PLAG1: variants seen among roughly 807,000 people sequenced by gnomAD.
PLAG1 encodes PLAG1 zinc finger, also known as zinc finger protein PLAG1.
In PLAG1, 7 loss-of-function variants were observed where a neutral mutation model predicts 35.5. The ratio of observed to expected loss-of-function variants is 0.20; its 90% CI spans 0.11 to 0.37. The LOEUF (loss-of-function observed/expected upper bound fraction) is 0.37, where lower values mean the gene tolerates loss of function less well. PLAG1 is among the 10% of genes least tolerant of loss of function. The pLI is 1.00. For synonymous variants in PLAG1, 229 were observed against 225.4 expected, an observed-to-expected ratio of 1.02 and a Z score of -0.14; for missense variants, 454 against 602.8, an observed-to-expected ratio of 0.75 and a Z score of 2.58.
At position 56,168,180 on chromosome 8, in the gene PLAG1, T is replaced by C; in HGVS notation, c.90A>G (p.Pro30=). 1.2e-6 allele frequency: 2 copies of C among 1,613,926 alleles called. No homozygotes were observed. The highest frequency in any genetic ancestry group is 1.7e-6 in the Non-Finnish European group (2 of 1,179,870). ...ACAGTTGGCAAGGAAAGTTTTTTCTTGGTTTGGTTTCACCACGCTTACGTT... is the reference window on the plus strand; with the variant it reads ...ACAGTTGGCAAGGAAAGTTTTTTCTCGGTTTGGTTTCACCACGCTTACGTT... ...SGKRKRGETK[P]RKNFPCQLCD... is the part of the protein sequence containing the mutation. The change falls in exon 4 of 5, where the codon CCA becomes CCG. Residue 30 remains proline, a synonymous_variant. Transcript: ENST00000316981.
chr8:56,189,345 A>G (rs1223927147), intron 1 of PLAG1, among the ~76,000 whole-genome samples: 1 of 152,210 alleles, frequency 6.6e-6, no homozygotes, highest in Non-Finnish European at 1.5e-5. Flanking sequence ...CCCTCTACAG[A>G]TATCAGGACG....
Position 56,167,880 on chromosome 8 carries a change from C to T in PLAG1, c.242+148G>A, listed in dbSNP as rs1811406791. ...ACATAAAAGTATGTGATTTAGAATACTAAAAACTAAACCAATGTCTAATCT... is the reference window on the plus strand; with the variant it reads ...ACATAAAAGTATGTGATTTAGAATATTAAAAACTAAACCAATGTCTAATCT... On this transcript the variant is annotated intron_variant, in intron 4 of 4. Coordinates refer to ENST00000316981, the MANE Select transcript of PLAG1 (RefSeq NM_002655.3). This position sits in a 1 kb window ranked among gnomAD's most constrained non-coding sequence, Gnocchi z 5.9. The T allele has an allele frequency of 1.8e-6, 1 of 552,106 alleles. No individual in the cohort carries two copies. The highest frequency in any genetic ancestry group is 2.9e-5 in the East Asian group (1 of 34,848). The allele number at this position is 552,106 out of a possible 1,614,324, so 34.2% of individuals were successfully genotyped here. A position where few individuals can be genotyped will look rare whatever the true frequency, so the allele number is the denominator to read the frequency against.
Position 56,171,157 on chromosome 8 carries a change from G to C in PLAG1, c.-184C>G, listed in dbSNP as rs1423902400. On this transcript the variant is annotated 5_prime_UTR_variant, in exon 3 of 5. Transcript: ENST00000316981. ...AGTCCCATTGACTCTTCGTGGAAGA[G>C]AGTGGAATCCAATCCTTCCCATTTT... is the stretch of plus-strand genomic sequence containing the variant. The C allele has an allele frequency of 2.9e-5, 28 of 981,122 alleles. No individual in the cohort carries two copies. Among genetic ancestry groups the C allele is most frequent in the African/African-American group, 3.5e-5 (2 of 57,112 alleles). The allele number at this position is 981,122 out of a possible 1,614,324, so 60.8% of individuals were successfully genotyped here. A position where few individuals can be genotyped will look rare whatever the true frequency, so the allele number is the denominator to read the frequency against.
intron 1 of PLAG1, among the ~76,000 whole-genome samples, chr8:56,210,785 A>AG (rs1171019018): frequency 1.3e-5 from 2 of 150,804 alleles, no homozygotes; most frequent in Non-Finnish European, 2.9e-5. Flanking sequence ...GAGGAGGAGG[A>AG]GGAGGAGGAA....
Position 56,168,194 on chromosome 8 carries a change from C to A in PLAG1, c.76G>T (p.Gly26Cys). The change falls in exon 4 of 5, where the codon GGT becomes TGT. Residue 26 changes from glycine (G) to cysteine (C), a missense_variant. This residue lies in a region of PLAG1 where 170 missense variants were observed against 226.3 expected (regional missense o/e 0.75). Coordinates refer to ENST00000316981, the MANE Select transcript of PLAG1 (RefSeq NM_002655.3). ...AAGTTTTTTCTTGGTTTGGTTTCAC[C>A]ACGCTTACGTTTCCCTGAAGGGACT... Reference protein sequence around the residue: ...QKVPSGKRKRGETKPRKNFPC... With the variant: ...QKVPSGKRKRCETKPRKNFPC... 1 of 1,613,852 alleles carries A rather than the reference C, an allele frequency of 6.2e-7. No homozygotes were observed. The highest frequency in any genetic ancestry group is 8.5e-7 in the Non-Finnish European group (1 of 1,179,868).
chr8:56,197,915 T>C (rs1812432494), intron 1 of PLAG1, among the ~76,000 whole-genome samples: 1 of 152,110 alleles, frequency 6.6e-6, no homozygotes, highest in Admixed American at 6.5e-5. Flanking sequence ...AGAGACAAAC[T>C]TAACCACCTT....
chr8:56,193,575 A>G (rs1812251681), intron 1 of PLAG1, among the ~76,000 whole-genome samples: 1 of 152,236 alleles, frequency 6.6e-6, no homozygotes, highest in Non-Finnish European at 1.5e-5. Context: ...CAAAGGCCAC[A>G]GACCAATCAA....
At chr8:56,194,243 G>A (rs1306815037) in intron 1 of PLAG1, among the ~76,000 whole-genome samples, 1 of 151,128 alleles carries the variant, frequency 6.6e-6, no homozygotes, top group Non-Finnish European at 1.5e-5. Context: ...CTTGAACCCA[G>A]GATGCGGAGG....
intron 2 of PLAG1, among the ~76,000 whole-genome samples, chr8:56,177,503 C>T (rs1159679513): frequency 2.0e-5 from 3 of 152,126 alleles, no homozygotes; most frequent in East Asian, 1.9e-4. Flanking sequence ...TCAAGAATGA[C>T]CTTGAAAACC....
At chr8:56,177,847 T>C (rs932520212) in intron 2 of PLAG1, 7 of 152,518 alleles carry the variant, frequency 4.6e-5, no homozygotes, top group South Asian at 2.1e-4. Flanking sequence ...GGCAGAGAGG[T>C]AGGAACTTAG....
chr8:56,184,966 C>T (rs1029039482), intron 1 of PLAG1, among the ~76,000 whole-genome samples: 2 of 151,990 alleles, frequency 1.3e-5, no homozygotes, highest in African/African-American at 4.8e-5. Flanking sequence ...AAAACAAAAA[C>T]CCCAAAACAA....
chr8:56,188,833 G>A (rs959845231), intron 1 of PLAG1, among the ~76,000 whole-genome samples: 8 of 152,224 alleles, frequency 5.3e-5, no homozygotes, highest in African/African-American at 1.9e-4. Context: ...ATTAGTCACT[G>A]TGATTCGCTG....
intron 1 of PLAG1, among the ~76,000 whole-genome samples, chr8:56,204,297 T>G (rs1219174446): frequency 6.6e-6 from 1 of 151,898 alleles, no homozygotes; most frequent in Non-Finnish European, 1.5e-5. Flanking sequence ...TCTATGTAAC[T>G]CCAGCATTAA....
At position 56,166,800 on chromosome 8, in the gene PLAG1, T is replaced by A. The variant is rs757118414; in HGVS notation, c.946A>T (p.Thr316Ser). ...ACAGTGTCCATATCTATTGGGCATG[T>A]CATTCCCAAAGGTAAAGTTGTGATC... ...QMITTLPLGM[T>S]CPIDMDTVHP... The change falls in exon 5 of 5, where the codon ACA becomes TCA. Residue 316 changes from threonine to serine, a missense_variant. Thr to Ser is a moderately conservative substitution (Grantham distance 58). Coordinates refer to ENST00000316981, the MANE Select transcript of PLAG1 (RefSeq NM_002655.3). 2 of 1,613,428 alleles carry A rather than the reference T, an allele frequency of 1.2e-6. No individual in the cohort carries two copies. The highest frequency in any genetic ancestry group is 1.7e-6 in the Non-Finnish European group (2 of 1,179,450).
chr8:56,199,868 T>G (rs1301388726), intron 1 of PLAG1, among the ~76,000 whole-genome samples: 1 of 152,144 alleles, frequency 6.6e-6, no homozygotes, highest in Non-Finnish European at 1.5e-5. Flanking sequence ...ACATTAGATG[T>G]TGAGAATCAC....
chr8:56,188,538 A>T (rs1331792492), intron 1 of PLAG1, among the ~76,000 whole-genome samples: 2 of 152,246 alleles, frequency 1.3e-5, no homozygotes, highest in African/African-American at 4.8e-5. Flanking sequence ...TTTAGCACAG[A>T]CACAGTGTAT....
At chr8:56,190,899 T>C (rs1164258780) in intron 1 of PLAG1, among the ~76,000 whole-genome samples, 2 of 152,094 alleles carry the variant, frequency 1.3e-5, no homozygotes, top group African/African-American at 4.8e-5. Context: ...TGAGTAGGTA[T>C]TGGTCCAGTG....
At chr8:56,179,551 G>T in intron 1 of PLAG1, 38 bp from the exon 2 acceptor site, 1 of 508,708 alleles carries the variant, frequency 2.0e-6, no homozygotes, top group Non-Finnish European at 2.5e-6. Flanking sequence ...AATTCCAAAA[G>T]TCAGGCCAAT....
In PLAG1 at chr8:56,162,730, C is replaced by CT. The variant is rs1356025493; in HGVS notation, c.*3512dup. On this transcript the variant is annotated 3_prime_UTR_variant, in exon 5 of 5. Transcript: ENST00000316981. Reference sequence around the variant, plus strand: ...ATGAACGATCCTGAAAATATGTACTCTTTAACATTCATTATTAGCTTAATA... The same window carrying CT: ...ATGAACGATCCTGAAAATATGTACTCTTTTAACATTCATTATTAGCTTAATA... 3.4e-5 allele frequency: 7 copies of CT among 208,760 alleles called. No individual in the cohort carries two copies. Among genetic ancestry groups the CT allele is most frequent in the Non-Finnish European group, 5.9e-5 (6 of 102,276 alleles). The allele number at this position is 208,760 out of a possible 1,614,324, so 12.9% of individuals were successfully genotyped here.
Sources: allele counts gnomAD v4.1 joint callset (sites outside exome capture counted in the v4.1 genomes callset), GRCh38; gene constraint gnomAD v4.1.1; regional missense constraint gnomAD v4.1.1; non-coding constraint Gnocchi (gnomAD v3.1); transcripts MANE v1.5; gene names NCBI Gene and HGNC (gene_info 2026-07-23, HGNC 2026-07-21).